ADAP2: variants seen among roughly 807,000 people sequenced by gnomAD.
The protein encoded by ADAP2 is ArfGAP with dual PH domains 2, also known as arf-GAP with dual PH domain-containing protein 2.
Under a neutral mutation model 54.9 loss-of-function variants are expected in ADAP2, and 42 were observed. That is an observed-to-expected ratio of 0.77 (90% CI 0.60 to 0.99). The LOEUF is 0.99. Ranked by LOEUF, ADAP2 falls within the 50% of genes least tolerant of loss-of-function variation. The pLI, the probability that ADAP2 is intolerant of heterozygous loss-of-function variation, is 0.00. For missense variants in ADAP2, 429 were observed against 480.4 expected (o/e 0.89, Z 1.00); for synonymous variants, 177 against 180.1 (o/e 0.98, Z 0.14).
At position 30,921,957 on chromosome 17, in the gene ADAP2, C is replaced by A; in HGVS notation, c.-58C>A. ...GCGCCGCGGCCGGGTCCCTCTCCAC[C>A]TGCCGGGCGGAGCGCACGGGCCATG... On this transcript the variant is annotated 5_prime_UTR_variant, in exon 1 of 11. In the 5' UTR this introduces an upstream ATG that the reference lacks. Transcript: ENST00000330889. 1 of 1,177,094 alleles carries A rather than the reference C, an allele frequency of 8.5e-7. No individual in the cohort carries two copies. The allele number at this position is 1,177,094 out of a possible 1,614,324, so 72.9% of individuals were successfully genotyped here.
chr17:30,946,237 T>A (rs1022086504), intron 6 of ADAP2, among the ~76,000 whole-genome samples: 2 of 151,438 alleles, frequency 1.3e-5, no homozygotes, highest in Non-Finnish European at 2.9e-5. Flanking sequence ...AGAAGCACTA[T>A]TTTTTTTCCT....
In ADAP2 at chr17:30,956,298, T is replaced by C. The variant is rs978996577; in HGVS notation, c.940T>C (p.Tyr314His). ...LGNKEQGYEAYEDLPKGIRGN... is the reference protein window; with the variant it reads ...LGNKEQGYEAHEDLPKGIRGN... ...GAACAAGGAGCAGGGATATGAAGCC[T>C]ACGAAGACCTGCCCAAGGGCATCCG... Residue 314 changes from tyrosine to histidine, a missense_variant, in exon 10 of 11, where the codon TAC becomes CAC. Physicochemically the swap from Tyr to His is moderately conservative, Grantham distance 83. Coordinates refer to ENST00000330889, the MANE Select transcript of ADAP2 (RefSeq NM_018404.3). 4 of 1,614,044 alleles carry C rather than the reference T, an allele frequency of 2.5e-6. No individual in the cohort carries two copies. Among genetic ancestry groups the C allele is most frequent in the Non-Finnish European group, 3.4e-6 (4 of 1,180,024 alleles).
At position 30,954,407 on chromosome 17, in the gene ADAP2, G is replaced by A; in HGVS notation, c.805-71G>A. On this transcript the variant is annotated intron_variant, in intron 8 of 10. Coordinates refer to ENST00000330889, the MANE Select transcript of ADAP2 (RefSeq NM_018404.3). ...CTGGCCAGCTCCTTTGGTTTGGGCT[G>A]GGCTGGCCCCTGACCTCTATCCTCA... The A allele has an allele frequency of 2.9e-6, 4 of 1,386,544 alleles. No individual in the cohort carries two copies. The East Asian group carries it at 9.1e-5, about 32-fold the overall frequency. 85.9% of individuals were successfully genotyped at this position (1,386,544 alleles called of 1,614,324 possible).
At chr17:30,941,250 T>A (rs1912248272) in intron 5 of ADAP2, among the ~76,000 whole-genome samples, 2 of 152,268 alleles carry the variant, frequency 1.3e-5, no homozygotes, top group South Asian at 4.1e-4. Context: ...GTGCTGTTAA[T>A]TATTGCTTCT....
intron 5 of ADAP2, among the ~76,000 whole-genome samples, chr17:30,941,636 C>T (rs1166040970): frequency 6.6e-6 from 1 of 152,132 alleles, no homozygotes; most frequent in Non-Finnish European, 1.5e-5. Context: ...ATTTGAAATC[C>T]ATGCATAGCT....
chr17:30,942,179 C>G (rs1474797445), intron 5 of ADAP2, among the ~76,000 whole-genome samples: 1 of 152,204 alleles, frequency 6.6e-6, no homozygotes, highest in Non-Finnish European at 1.5e-5. Context: ...GCTGGGATAA[C>G]AGGTGTGAGC....
At chr17:30,922,564 C>G (rs922225039) in intron 1 of ADAP2, among the ~76,000 whole-genome samples, 2 of 152,122 alleles carry the variant, frequency 1.3e-5, no homozygotes, top group Non-Finnish European at 2.9e-5. Context: ...CCTGCCCGCT[C>G]CCAGACGCCC....
At chr17:30,938,153 T>G (rs1386052868) in intron 5 of ADAP2, among the ~76,000 whole-genome samples, 1 of 152,206 alleles carries the variant, frequency 6.6e-6, no homozygotes, top group Non-Finnish European at 1.5e-5. Context: ...TTTCTCACAA[T>G]CCTATGGGTC....
chr17:30,925,585 TTTTC>T (rs773163289), intron 2 of ADAP2, among the ~76,000 whole-genome samples: 16 of 150,726 alleles, frequency 1.1e-4, no homozygotes, highest in South Asian at 2.1e-4. Context: ...TTTTCTTTTC[TTTTC>T]TTTCTTTCTT....
At chr17:30,951,639 ATTTTC>A (rs1295687907) in intron 7 of ADAP2, among the ~76,000 whole-genome samples, 2 of 106,534 alleles carry the variant, frequency 1.9e-5, no homozygotes, top group East Asian at 2.8e-4. Flanking sequence ...TCTGACCAAT[ATTTTC>A]TTTTCTTTTC....
chr17:30,928,419 C>T (rs535509942), intron 3 of ADAP2, among the ~76,000 whole-genome samples: 2 of 151,756 alleles, frequency 1.3e-5, no homozygotes, highest in Admixed American at 1.3e-4. Context: ...TCGCTTGAAC[C>T]CGAGAGGTGG....
At chr17:30,933,153 A>G (rs1031720750) in intron 4 of ADAP2, among the ~76,000 whole-genome samples, 24 of 152,152 alleles carry the variant, frequency 1.6e-4, no homozygotes, top group Non-Finnish European at 2.6e-4. Context: ...GTGCTCAGCT[A>G]TCCTGGCTAC....
intron 4 of ADAP2, among the ~76,000 whole-genome samples, chr17:30,933,744 C>T (rs766367631): frequency 2.6e-5 from 4 of 152,088 alleles, no homozygotes; most frequent in Non-Finnish European, 4.4e-5. Flanking sequence ...GTGATCTGCC[C>T]GCCTCGGCCT....
chr17:30,946,032 G>A (rs1190199125), intron 6 of ADAP2, among the ~76,000 whole-genome samples: 1 of 151,352 alleles, frequency 6.6e-6, no homozygotes, highest in Admixed American at 6.6e-5. Flanking sequence ...GCAGGTGCCT[G>A]TAGTCCCAGC....
rs144544151 is a variant in ADAP2, at chr17:30,951,199, C to T, written c.741+1829C>T. On this transcript the variant is annotated intron_variant, in intron 7 of 10. Coordinates refer to ENST00000330889, the MANE Select transcript of ADAP2 (RefSeq NM_018404.3). ...TCGCCATGGTGACAGATGAGTGCAT[C>T]GAGGCTCAGAGAGGTGAGGTGACTT... is the stretch of plus-strand genomic sequence containing the variant. Among the ~76,000 whole-genome samples the T allele has an allele frequency of 7.3e-4, 111 of 152,222 alleles. 1 individual carries two copies. The highest frequency in any genetic ancestry group is 2.6e-3 in the African/African-American group (107 of 41,532).
intron 5 of ADAP2, among the ~76,000 whole-genome samples, chr17:30,944,219 A>G (rs1431799693): frequency 6.6e-6 from 1 of 152,306 alleles, no homozygotes; most frequent in Middle Eastern, 3.4e-3. Context: ...GAATGAGATC[A>G]TGTTCTCTCA....
intron 1 of ADAP2, among the ~76,000 whole-genome samples, 198 bp from the exon 2 acceptor site, chr17:30,922,742 G>C: frequency 6.6e-6 from 1 of 152,186 alleles, no homozygotes; most frequent in Non-Finnish European, 1.5e-5. Context: ...CTCTCTCCCC[G>C]GGCCCTGAAC....
At chr17:30,941,522 G>A (rs573276499) in intron 5 of ADAP2, among the ~76,000 whole-genome samples, 17 of 152,176 alleles carry the variant, frequency 1.1e-4, no homozygotes, top group Non-Finnish European at 2.4e-4. Context: ...TGCTCTGAGA[G>A]GGGCTGTTTT....
At chr17:30,944,756 G>A (rs1392671880) in intron 5 of ADAP2, 151 bp from the exon 6 acceptor site, 11 of 827,656 alleles carry the variant, frequency 1.3e-5, no homozygotes, top group Middle Eastern at 3.7e-4. Context: ...CACTGCGTCC[G>A]GCCAGTATCT....
Sources: gnomAD v4.1 joint callset for allele counts (sites outside exome capture counted in the v4.1 genomes callset) on GRCh38, gnomAD v4.1.1 for gene constraint, MANE v1.5 for transcripts, NCBI Gene and HGNC (gene_info 2026-07-23, HGNC 2026-07-21) for gene names.